Variants in NOL4 observed in about 807,000 individuals in gnomAD.
NOL4 encodes the protein nucleolar protein 4.
A neutral mutation model predicts 75.9 loss-of-function variants in NOL4; 17 were observed. That is an observed-to-expected ratio of 0.22 (90% CI 0.15 to 0.34). The LOEUF is 0.34. Among genes scored for constraint, NOL4 ranks in the 10% least tolerant of loss-of-function variants. The pLI is 1.00. For synonymous variants in NOL4, 292 were observed against 289.9 expected, an observed-to-expected ratio of 1.01 and a Z score of -0.07; for missense variants, 614 against 793.5, an observed-to-expected ratio of 0.77 and a Z score of 2.72.
intron 6 of NOL4, among the ~76,000 whole-genome samples, chr18:34,011,258 A>C (rs2146329553): frequency 6.6e-6 from 1 of 151,894 alleles, no homozygotes; most frequent in South Asian, 2.1e-4. Context: ...AAATAAAAAT[A>C]AAATAAATAG....
At chr18:34,110,150 A>T (rs1381309862) in intron 2 of NOL4, among the ~76,000 whole-genome samples, 1 of 146,086 alleles carries the variant, frequency 6.8e-6, no homozygotes, top group Non-Finnish European at 1.5e-5. Context: ...AAAAAAAAAA[A>T]AAAAAAAAAA....
At chr18:34,045,612 A>T (rs1311264816) in intron 5 of NOL4, among the ~76,000 whole-genome samples, 1 of 152,186 alleles carries the variant, frequency 6.6e-6, no homozygotes, top group East Asian at 1.9e-4. Context: ...TGCAACTTTA[A>T]GAAAACAAAT....
chr18:34,080,889 A>T (rs2077980112), intron 5 of NOL4, among the ~76,000 whole-genome samples: 1 of 152,230 alleles, frequency 6.6e-6, no homozygotes. Flanking sequence ...AAACTACATG[A>T]TAGTCATTAT....
At chr18:34,155,837 T>C (rs1254779250) in intron 1 of NOL4, among the ~76,000 whole-genome samples, 2 of 152,106 alleles carry the variant, frequency 1.3e-5, no homozygotes, top group Non-Finnish European at 2.9e-5. Flanking sequence ...TTTTTCCAGC[T>C]TAAAGGTATT....
In NOL4 at chr18:34,136,561, GA is replaced by G. The variant is rs548683793; in HGVS notation, c.265-6542del. Among the ~76,000 whole-genome samples, 7 of 151,542 alleles carry G rather than the reference GA, an allele frequency of 4.6e-5. No individual in the cohort carries two copies. In the South Asian group the frequency reaches 1.5e-3, roughly 32 times the overall value. Reference sequence around the variant, plus strand: ...AATGAACAATCTGAAAATGAAGGGGGAAAAATAATTTCTTTTATAAGGGTTT... The same window carrying G: ...AATGAACAATCTGAAAATGAAGGGGGAAAATAATTTCTTTTATAAGGGTTT... On this transcript the variant is annotated intron_variant, in intron 1 of 10. Coordinates refer to ENST00000261592, the MANE Select transcript of NOL4 (RefSeq NM_003787.5).
intron 6 of NOL4, among the ~76,000 whole-genome samples, chr18:33,996,556 C>T (rs569932581): frequency 2.0e-5 from 3 of 151,894 alleles, no homozygotes; most frequent in Non-Finnish European, 2.9e-5. Context: ...ATAGGTAGCA[C>T]TTCAACACTT....
chr18:33,958,186 A>G, intron 7 of NOL4, 53 bp downstream of exon 7: 1 of 1,449,030 alleles, frequency 6.9e-7, no homozygotes, highest in Non-Finnish European at 9.5e-7. Flanking sequence ...AAGCAACAAC[A>G]TGAAAGTGAA....
chr18:34,213,587 C>T (rs1235486575), intron 1 of NOL4, among the ~76,000 whole-genome samples: 2 of 152,180 alleles, frequency 1.3e-5, no homozygotes, highest in Non-Finnish European at 2.9e-5. Flanking sequence ...TGCGCATGGC[C>T]TCTGTTCTTA....
At chr18:34,024,214 T>TATATATATATATATATAA (rs1365275127) in intron 5 of NOL4, among the ~76,000 whole-genome samples, 1 of 130,760 alleles carries the variant, frequency 7.6e-6, no homozygotes, top group Non-Finnish European at 1.7e-5. Context: ...TATATATATA[T>TATATATATATATATATAA]AAAATCCTCA....
intron 6 of NOL4, among the ~76,000 whole-genome samples, chr18:33,961,177 CAACT>C (rs2145771325): frequency 6.6e-6 from 1 of 152,044 alleles, no homozygotes; most frequent in Non-Finnish European, 1.5e-5. Flanking sequence ...TTTTATGTGT[CAACT>C]TGACAGGATG....
intron 6 of NOL4, among the ~76,000 whole-genome samples, chr18:34,015,354 T>A (rs1416057220): frequency 1.3e-5 from 2 of 152,038 alleles, no homozygotes; most frequent in Non-Finnish European, 2.9e-5. Flanking sequence ...GTGATTTGAA[T>A]CCACCTCTGA....
intron 5 of NOL4, among the ~76,000 whole-genome samples, chr18:34,035,222 G>A (rs1424528085): frequency 1.3e-5 from 2 of 152,012 alleles, no homozygotes; most frequent in African/African-American, 4.8e-5. Flanking sequence ...AGGCCACAAA[G>A]CAAGTCTAAA....
chr18:34,151,987 T>C (rs2081660802), intron 1 of NOL4, among the ~76,000 whole-genome samples: 1 of 151,904 alleles, frequency 6.6e-6, no homozygotes, highest in Non-Finnish European at 1.5e-5. Flanking sequence ...AAACTATGCT[T>C]GATCAATTTG....
intron 5 of NOL4, among the ~76,000 whole-genome samples, chr18:34,050,891 G>A (rs1241113609): frequency 2.0e-5 from 3 of 151,954 alleles, no homozygotes; most frequent in African/African-American, 7.2e-5. Context: ...GCGGAGTTGA[G>A]AACAATTTTT....
intron 5 of NOL4, among the ~76,000 whole-genome samples, chr18:34,054,575 T>G (rs1035795721): frequency 6.6e-6 from 1 of 151,942 alleles, no homozygotes; most frequent in Non-Finnish European, 1.5e-5. Flanking sequence ...TCTTTGTGAC[T>G]CTCAGCCTAT....
rs78098811 is a variant in NOL4 at position 33,852,435 on chromosome 18, CTT to C, written c.*405_*406del. 7 of 125,410 alleles carry C rather than the reference CTT, an allele frequency of 5.6e-5. No homozygotes were observed. Among genetic ancestry groups the C allele is most frequent in the Non-Finnish European group, 8.4e-5 (5 of 59,372 alleles). The allele number at this position is 125,410 out of a possible 1,614,324, so 7.8% of individuals were successfully genotyped here. A position where few individuals can be genotyped will look rare whatever the true frequency, so the allele number is the denominator to read the frequency against. ...AACAAGAAATTTGGCTTTTTTTTTT[CTT>C]TTTTTTTTTTTTGCCAGGTACTTCA... On this transcript the variant is annotated 3_prime_UTR_variant, in exon 11 of 11. Coordinates refer to ENST00000261592, the MANE Select transcript of NOL4 (RefSeq NM_003787.5).
At chr18:34,095,202 G>T (rs2078715497) in intron 4 of NOL4, among the ~76,000 whole-genome samples, 1 of 150,898 alleles carries the variant, frequency 6.6e-6, no homozygotes, top group South Asian at 2.1e-4. Context: ...TTAGTTGCAT[G>T]CCCTCTCTCA....
chr18:34,066,703 A>G (rs2077290865), intron 5 of NOL4, among the ~76,000 whole-genome samples: 1 of 151,202 alleles, frequency 6.6e-6, no homozygotes, highest in Non-Finnish European at 1.5e-5. Flanking sequence ...AAAAAAAAAC[A>G]ACACTGAAGT....
chr18:33,920,927 G>T (rs989031943), intron 9 of NOL4, among the ~76,000 whole-genome samples: 12 of 152,214 alleles, frequency 7.9e-5, no homozygotes, highest in African/African-American at 2.7e-4. Flanking sequence ...CGCGGCCACT[G>T]CCCAGGCTGG....
Sources: gnomAD v4.1 joint callset for allele counts (sites outside exome capture counted in the v4.1 genomes callset) on GRCh38, gnomAD v4.1.1 for gene constraint, MANE v1.5 for transcripts, NCBI Gene and HGNC (gene_info 2026-07-23, HGNC 2026-07-21) for gene names.